The following ABL2 variants were observed in gnomAD, a reference collection of about 807,000 sequenced individuals.
ABL2 encodes the protein tyrosine-protein kinase ABL2.
Under a neutral mutation model 107.7 loss-of-function variants are expected in ABL2, and 49 were observed. The ratio of observed to expected loss-of-function variants is 0.45; its 90% CI spans 0.36 to 0.58. The LOEUF (loss-of-function observed/expected upper bound fraction) is 0.58, where lower values mean the gene tolerates loss of function less well. ABL2 is among the 20% of genes least tolerant of loss of function. The pLI, the probability that ABL2 is intolerant of heterozygous loss-of-function variation, is 0.00. For missense variants in ABL2, 1,245 were observed against 1,457.0 expected, an observed-to-expected ratio of 0.85 and a Z score of 2.37; for synonymous variants, 549 against 548.6, an observed-to-expected ratio of 1.00 and a Z score of -0.01.
intron 11 of ABL2, 24 bp downstream of exon 11, chr1:179,110,258 T>A (rs1346420270): frequency 6.2e-7 from 1 of 1,613,552 alleles, no homozygotes. Context: ...TCTATTTTGA[T>A]TCTACCTGCT....
intron 1 of ABL2, among the ~76,000 whole-genome samples, chr1:179,165,830 T>C (rs1033549438): frequency 4.0e-5 from 6 of 151,878 alleles, no homozygotes; most frequent in Admixed American, 6.6e-5. Context: ...AGTTTCGCTC[T>C]TGTTGCCCAG....
At chr1:179,114,583 T>C (rs1654437226) in intron 9 of ABL2, among the ~76,000 whole-genome samples, 1 of 152,222 alleles carries the variant, frequency 6.6e-6, no homozygotes, top group African/African-American at 2.4e-5. Flanking sequence ...CATTTTTATC[T>C]AGTTGAAAAC....
chr1:179,210,950 G>A (rs570036536), intron 1 of ABL2, among the ~76,000 whole-genome samples: 8 of 152,094 alleles, frequency 5.3e-5, no homozygotes, highest in African/African-American at 1.7e-4. Context: ...CATGACCTCA[G>A]ACTTGAGAAT....
At chr1:179,119,731 T>G (rs927977943) in intron 6 of ABL2, among the ~76,000 whole-genome samples, 6 of 152,172 alleles carry the variant, frequency 3.9e-5, no homozygotes, top group Non-Finnish European at 8.8e-5. Context: ...AACAGTCCTT[T>G]GTTTAATGTC....
intron 1 of ABL2, among the ~76,000 whole-genome samples, chr1:179,196,858 TACC>T (rs1557991259): frequency 6.6e-6 from 1 of 152,052 alleles, no homozygotes; most frequent in African/African-American, 2.4e-5. Flanking sequence ...ACATGTATTT[TACC>T]ACAATTTTTT....
chr1:179,200,394 C>T (rs1259303518), intron 1 of ABL2, among the ~76,000 whole-genome samples: 2 of 152,142 alleles, frequency 1.3e-5, no homozygotes, highest in African/African-American at 4.8e-5. Context: ...TTTCAGTTCT[C>T]CTTCCTGAAT....
intron 1 of ABL2, among the ~76,000 whole-genome samples, chr1:179,180,431 G>A (rs957719093): frequency 9.2e-5 from 14 of 152,204 alleles, no homozygotes; most frequent in Admixed American, 2.6e-4. Flanking sequence ...CTAGAGGAGA[G>A]GAAGGAGCTG....
intron 4 of ABL2, among the ~76,000 whole-genome samples, chr1:179,125,833 A>G (rs1353596537): frequency 1.3e-5 from 2 of 152,276 alleles, no homozygotes; most frequent in Non-Finnish European, 2.9e-5. Context: ...ACCAACGGAC[A>G]TAAGCTCATG....
chr1:179,195,189 G>A (rs982738888), intron 1 of ABL2, among the ~76,000 whole-genome samples: 2 of 152,160 alleles, frequency 1.3e-5, no homozygotes, highest in Non-Finnish European at 2.9e-5. Flanking sequence ...TCAAGAAGCT[G>A]AGGCAAGAGA....
At chr1:179,110,230 T>C (rs1055585591) in intron 11 of ABL2, 52 bp downstream of exon 11, 2 of 1,605,418 alleles carry the variant, frequency 1.2e-6, no homozygotes. Flanking sequence ...ACCCCATGCT[T>C]CTTTAAACAA....
Position 179,229,647 on chromosome 1 carries a change from C to T in ABL2, c.-250G>A. The T allele has an allele frequency of 4.1e-6, 2 of 491,094 alleles. No individual in the cohort carries two copies. Among genetic ancestry groups the T allele is most frequent in the Admixed American group, 4.7e-5 (1 of 21,180 alleles). The allele number at this position is 491,094 out of a possible 1,614,324, so 30.4% of individuals were successfully genotyped here. A position where few individuals can be genotyped will look rare whatever the true frequency, so the allele number is the denominator to read the frequency against. On this transcript the variant is annotated 5_prime_UTR_variant, in exon 1 of 12. Coordinates refer to ENST00000502732, the MANE Select transcript of ABL2 (RefSeq NM_007314.4). ...CGCGCCCCCAACGCCGCCGCCGCCG[C>T]CGCCGCCACCGCCGCCGCCATCTTT...
intron 1 of ABL2, among the ~76,000 whole-genome samples, chr1:179,186,054 G>A (rs1660668411): frequency 6.6e-6 from 1 of 151,966 alleles, no homozygotes; most frequent in Non-Finnish European, 1.5e-5. Flanking sequence ...AGACCAGCCT[G>A]GACAACATGA....
At chr1:179,172,843 T>C (rs1231493006) in intron 1 of ABL2, among the ~76,000 whole-genome samples, 1 of 152,138 alleles carries the variant, frequency 6.6e-6, no homozygotes, top group East Asian at 1.9e-4. Context: ...ATGTGGTACT[T>C]TGCACTGTAA....
At chr1:179,182,284 GA>G (rs1445731927) in intron 1 of ABL2, among the ~76,000 whole-genome samples, 1 of 151,782 alleles carries the variant, frequency 6.6e-6, no homozygotes, top group African/African-American at 2.4e-5. Context: ...GGTGGCTGGA[GA>G]AAAAAAAGCA....
rs1387800850 is a variant in ABL2 at position 179,126,769 on chromosome 1, AAAAG to A, written c.392-101_392-98del. ...CAAACTTTAAACTCATTAAAAAAAA[AAAAG>A]AATCTAGAACTTTTATGCCAAATTT... is the stretch of plus-strand genomic sequence containing the variant. On this transcript the variant is annotated intron_variant, in intron 3 of 11. Coordinates refer to ENST00000502732, the MANE Select transcript of ABL2 (RefSeq NM_007314.4). The surrounding 1 kb of genome is among the most constrained non-coding windows in gnomAD (Gnocchi z 4.4). The A allele has an allele frequency of 4.0e-6, 5 of 1,261,170 alleles. No individual in the cohort carries two copies. Among genetic ancestry groups the A allele is most frequent in the African/African-American group, 1.5e-5 (1 of 66,390 alleles). 78.1% of individuals were successfully genotyped at this position (1,261,170 alleles called of 1,614,324 possible).
intron 1 of ABL2, among the ~76,000 whole-genome samples, chr1:179,136,084 T>TG (rs560019418): frequency 0.083 from 9,694 of 116,534 alleles, 433 homozygotes; most frequent in African/African-American, 0.09. Flanking sequence ...AGGAGGGAGG[T>TG]GGGGGGGGTC....
At chr1:179,191,384 G>A (rs1279066462) in intron 1 of ABL2, among the ~76,000 whole-genome samples, 3 of 147,150 alleles carry the variant, frequency 2.0e-5, no homozygotes. Context: ...ATGATAGTAT[G>A]AGAACCTTAA....
At chr1:179,197,784 G>C (rs2102835739) in intron 1 of ABL2, among the ~76,000 whole-genome samples, 1 of 151,368 alleles carries the variant, frequency 6.6e-6, no homozygotes, top group African/African-American at 2.4e-5. Context: ...CAGGAGAATT[G>C]CTTAAACCCA....
chr1:179,222,770 T>A (rs143289064), intron 1 of ABL2, among the ~76,000 whole-genome samples: 3 of 151,974 alleles, frequency 2.0e-5, no homozygotes, highest in African/African-American at 7.2e-5. Context: ...TTAAAGATGA[T>A]ATTCAGAGGA....
Sources: allele counts gnomAD v4.1 joint callset (sites outside exome capture counted in the v4.1 genomes callset), GRCh38; gene constraint gnomAD v4.1.1; non-coding constraint Gnocchi (gnomAD v3.1); transcripts MANE v1.5; gene names NCBI Gene and HGNC (gene_info 2026-07-23, HGNC 2026-07-21).